DGLUCY: variants seen among roughly 807,000 people sequenced by gnomAD.
The protein encoded by DGLUCY is D-glutamate cyclase, also known as D-glutamate cyclase, mitochondrial.
In DGLUCY, 58 loss-of-function variants were observed where a neutral mutation model predicts 58.5. The observed-to-expected ratio is 0.99, with a 90% CI of 0.80 to 1.23. The LOEUF (loss-of-function observed/expected upper bound fraction) is 1.23. DGLUCY is among the 50% of genes most tolerant of loss of function. DGLUCY has a pLI of 0.00. For synonymous variants in DGLUCY, 325 were observed against 314.1 expected (o/e 1.03, Z -0.37); for missense variants, 779 against 784.7 (o/e 0.99, Z 0.09).
chr14:91,072,936 C>T (rs1336645730), intron 1 of DGLUCY, among the ~76,000 whole-genome samples: 1 of 151,834 alleles, frequency 6.6e-6, no homozygotes, highest in Non-Finnish European at 1.5e-5. Context: ...ATGAACCCGG[C>T]AGGCAGAGCT....
rs374050251 is a variant in DGLUCY, at chr14:91,176,062, T to C, written c.730+6T>C. 41 of 1,613,362 alleles carry C rather than the reference T, an allele frequency of 2.5e-5. No individual in the cohort carries two copies. Among genetic ancestry groups the C allele is most frequent in the Non-Finnish European group, 3.5e-5 (41 of 1,179,616 alleles). On this transcript the variant is annotated splice_donor_region_variant and intron_variant, in intron 7 of 13. Coordinates refer to ENST00000256324, the MANE Select transcript of DGLUCY (RefSeq NM_001102368.3). ...CGGAGCTGTCAGCAGCTGTGGTACG[T>C]TGGGGGATAATGGGACAATCGATCT...
intron 1 of DGLUCY, among the ~76,000 whole-genome samples, chr14:91,144,265 T>C (rs1317984917): frequency 1.3e-5 from 2 of 152,100 alleles, no homozygotes; most frequent in African/African-American, 4.8e-5. Flanking sequence ...GGTAACTATA[T>C]AAATGGTCAA....
At chr14:91,148,167 C>T (rs1215945132) in intron 1 of DGLUCY, among the ~76,000 whole-genome samples, 3 of 151,824 alleles carry the variant, frequency 2.0e-5, no homozygotes, top group East Asian at 1.9e-4. Flanking sequence ...GAGTAAATCT[C>T]TGTCTCAAAA....
intron 1 of DGLUCY, among the ~76,000 whole-genome samples, chr14:91,121,684 G>A (rs1393269612): frequency 6.6e-6 from 1 of 151,456 alleles, no homozygotes. Flanking sequence ...AATGTCTTCA[G>A]TGAAGGCTTC....
upstream of DGLUCY, among the ~76,000 whole-genome samples, chr14:91,112,566 G>C (rs1429861271): frequency 6.6e-6 from 1 of 152,020 alleles, no homozygotes; most frequent in Non-Finnish European, 1.5e-5. Context: ...TAATAAAAGA[G>C]ATCTTTCACT....
rs746673449 is a variant in DGLUCY, at chr14:91,199,748, T to A, written c.1296-9T>A. The stretch of plus-strand genomic sequence containing the variant: ...GACCCTCTGACCTCTGACCTTTGCT[T>A]CCCGGCAGATTTGACCACCTGGTGG... On this transcript the variant is annotated splice_polypyrimidine_tract_variant and intron_variant, in intron 10 of 13. Transcript: ENST00000256324. The A allele has an allele frequency of 5.6e-6, 9 of 1,613,918 alleles. No homozygotes were observed. Among genetic ancestry groups the A allele is most frequent in the Non-Finnish European group, 6.8e-6 (8 of 1,179,850 alleles).
At chr14:91,172,808 G>A (rs1308151746) in intron 5 of DGLUCY, among the ~76,000 whole-genome samples, 5 of 151,972 alleles carry the variant, frequency 3.3e-5, no homozygotes, top group Admixed American at 1.3e-4. Context: ...CACCATGCCC[G>A]GCGAACTTTT....
chr14:91,221,792 T>G (rs956952429), intron 13 of DGLUCY, among the ~76,000 whole-genome samples: 14 of 152,168 alleles, frequency 9.2e-5, no homozygotes, highest in Non-Finnish European at 1.9e-4. Context: ...TGTGTACACC[T>G]TAAGTGTACA....
At chr14:91,210,344 A>C (rs1885474117) in intron 12 of DGLUCY, among the ~76,000 whole-genome samples, 1 of 152,142 alleles carries the variant, frequency 6.6e-6, no homozygotes, top group Admixed American at 6.6e-5. Flanking sequence ...CAGCCTGGGC[A>C]ACATAACAAG....
chr14:91,153,505 C>T (rs2047435704), intron 1 of DGLUCY, among the ~76,000 whole-genome samples: 1 of 152,198 alleles, frequency 6.6e-6, no homozygotes, highest in South Asian at 2.1e-4. Flanking sequence ...TTATTGGGCA[C>T]CTCCCGTGTG....
upstream of DGLUCY, among the ~76,000 whole-genome samples, chr14:91,111,200 A>ATGTGTGTGTG (rs1183383205): frequency 2.3e-3 from 181 of 79,150 alleles, 3 homozygotes; most frequent in African/African-American, 5.8e-3. Flanking sequence ...TTATTTATAT[A>ATGTGTGTGTG]TATGTGTGTG....
chr14:91,088,998 C>A (rs1202149645), intron 1 of DGLUCY, among the ~76,000 whole-genome samples: 1 of 152,216 alleles, frequency 6.6e-6, no homozygotes, highest in Non-Finnish European at 1.5e-5. Context: ...GTGGTTAGAT[C>A]AATGCCACAG....
intron 3 of DGLUCY, among the ~76,000 whole-genome samples, chr14:91,162,608 A>C (rs1310261644): frequency 6.6e-6 from 1 of 152,118 alleles, no homozygotes; most frequent in Non-Finnish European, 1.5e-5. Flanking sequence ...TTAAAAAGGA[A>C]ACAAAGGGCC....
At chr14:91,071,721 A>G (rs1027729905) in intron 1 of DGLUCY, among the ~76,000 whole-genome samples, 5 of 151,850 alleles carry the variant, frequency 3.3e-5, no homozygotes, top group African/African-American at 1.2e-4. Context: ...CGCAAAAATT[A>G]GTTGGGCGTG....
chr14:91,161,422 G>A (rs1262877618), intron 3 of DGLUCY, among the ~76,000 whole-genome samples: 4 of 152,266 alleles, frequency 2.6e-5, no homozygotes, highest in Non-Finnish European at 2.9e-5. Flanking sequence ...TCACAATTCT[G>A]CAATCAAGGT....
At chr14:91,196,666 GA>G (rs1313814239) in intron 10 of DGLUCY, among the ~76,000 whole-genome samples, 192 bp downstream of exon 10, 1 of 143,372 alleles carries the variant, frequency 7.0e-6, no homozygotes. Flanking sequence ...GGGCCTCACA[GA>G]ACATCTCTGG....
chr14:91,093,282 G>T (rs2044343402), intron 1 of DGLUCY, among the ~76,000 whole-genome samples: 1 of 152,104 alleles, frequency 6.6e-6, no homozygotes, highest in East Asian at 1.9e-4. Context: ...ACCCTTACAG[G>T]ATGTGATGAA....
intron 1 of DGLUCY, among the ~76,000 whole-genome samples, chr14:91,094,693 G>A (rs559431186): frequency 7.9e-5 from 12 of 151,466 alleles, no homozygotes; most frequent in Admixed American, 5.9e-4. Flanking sequence ...TGTGGTGATG[G>A]GCACCTGTAA....
chr14:91,199,672 T>G, intron 10 of DGLUCY, 85 bp from the exon 11 acceptor site: 1 of 1,467,526 alleles, frequency 6.8e-7, no homozygotes, highest in South Asian at 1.3e-5. Context: ...GAAGCGTCTT[T>G]CGCGCAAACA....
Sources: allele counts gnomAD v4.1 joint callset (sites outside exome capture counted in the v4.1 genomes callset), GRCh38; gene constraint gnomAD v4.1.1; transcripts MANE v1.5; gene names NCBI Gene and HGNC (gene_info 2026-07-23, HGNC 2026-07-21).